The following ADAMTS16 variants were observed in gnomAD, a reference collection of about 807,000 sequenced individuals.
The protein encoded by ADAMTS16 is ADAM metallopeptidase with thrombospondin type 1 motif 16.
In ADAMTS16, 94 loss-of-function variants were observed where a neutral mutation model predicts 145.8. The ratio of observed to expected loss-of-function variants is 0.64; its 90% CI spans 0.55 to 0.77. The LOEUF is 0.77. Ranked by LOEUF, ADAMTS16 falls within the 30% of genes least tolerant of loss-of-function variation. The probability of loss-of-function intolerance (pLI) is 0.00; values close to 1 mark genes in which losing one functional copy is unlikely to be tolerated. For synonymous variants in ADAMTS16, 659 were observed against 604.3 expected, an observed-to-expected ratio of 1.09 and a Z score of -1.33; for missense variants, 1,585 against 1,591.5, an observed-to-expected ratio of 1.00 and a Z score of 0.07.
At chr5:5,203,442 G>A (rs1450366096) in intron 9 of ADAMTS16, among the ~76,000 whole-genome samples, 2 of 152,158 alleles carry the variant, frequency 1.3e-5, no homozygotes. Context: ...AAGGATAAAT[G>A]GCTACCTTTT....
chr5:5,230,021 A>G (rs1047678364), intron 11 of ADAMTS16, among the ~76,000 whole-genome samples: 3 of 152,178 alleles, frequency 2.0e-5, no homozygotes, highest in Non-Finnish European at 2.9e-5. Context: ...GTGCATATAC[A>G]TGAAGCCATC....
chr5:5,304,447 C>A (rs983883709), intron 20 of ADAMTS16, among the ~76,000 whole-genome samples: 32 of 152,104 alleles, frequency 2.1e-4, no homozygotes, highest in African/African-American at 7.5e-4. Context: ...AGAGTGGCAA[C>A]AGCACCACCA....
chr5:5,166,046 T>C (rs874429), intron 3 of ADAMTS16, among the ~76,000 whole-genome samples: 48,378 of 152,118 alleles, frequency 0.32, 7,794 homozygotes, highest in East Asian at 0.39. Flanking sequence ...CAGGTCCCCA[T>C]GCACTGCCTT....
intron 3 of ADAMTS16, among the ~76,000 whole-genome samples, chr5:5,151,631 G>GTGTGT (rs1734461078): frequency 6.7e-6 from 1 of 149,722 alleles, no homozygotes; most frequent in Non-Finnish European, 1.5e-5. Flanking sequence ...ACAATGAGAA[G>GTGTGT]ATTACTACAG....
intron 17 of ADAMTS16, 23 bp downstream of exon 17, chr5:5,242,214 C>T (rs375655232): frequency 3.7e-6 from 6 of 1,610,908 alleles, no homozygotes; most frequent in South Asian, 2.2e-5. Flanking sequence ...CAGTGCTGCT[C>T]CTGGAGGCAG....
In ADAMTS16 at chr5:5,305,159, ACAC is replaced by A. The variant is rs1441648561; in HGVS notation, c.3187-1344_3187-1342del. Reference sequence around the variant, plus strand: ...CACACACATCCCACACCACACACACACACATATCCCACACCACACACACATCCC... The same window carrying A: ...CACACACATCCCACACCACACACACAATATCCCACACCACACACACATCCC... On this transcript the variant is annotated intron_variant, in intron 20 of 22. Transcript: ENST00000274181. Among the ~76,000 whole-genome samples the A allele has an allele frequency of 9.1e-3, 617 of 67,922 alleles. 15 individuals carry two copies. The highest frequency in any genetic ancestry group is 0.016 in the Non-Finnish European group (510 of 32,206). 44.6% of individuals were successfully genotyped at this position (67,922 alleles called of 152,430 possible).
chr5:5,267,437 G>A (rs943745814), intron 18 of ADAMTS16, among the ~76,000 whole-genome samples: 10 of 152,132 alleles, frequency 6.6e-5, no homozygotes, highest in African/African-American at 2.4e-4. Context: ...AGCTCTCAGC[G>A]AGGTGAATGG....
rs78955888 is a variant in ADAMTS16 at position 5,188,027 on chromosome 5, T to A, written c.1047+219T>A. On this transcript the variant is annotated intron_variant, in intron 6 of 22. Coordinates refer to ENST00000274181, the MANE Select transcript of ADAMTS16 (RefSeq NM_139056.4). ...TTTGTGCAAAAGTGGTAAGAAATTA[T>A]CCTTTAATTGGCCTGTAAGAAAATG... Among the ~76,000 whole-genome samples the A allele has an allele frequency of 1.3e-3, 200 of 152,298 alleles. 4 individuals carry two copies. The East Asian group carries it at 0.024, about 19-fold the overall frequency.
intron 10 of ADAMTS16, among the ~76,000 whole-genome samples, chr5:5,216,229 G>A (rs1736436962): frequency 6.6e-6 from 1 of 151,860 alleles, no homozygotes; most frequent in Non-Finnish European, 1.5e-5. Context: ...TTTTAGTTAT[G>A]GCCATTCTTG....
chr5:5,188,831 G>T (rs1287941518), intron 6 of ADAMTS16, among the ~76,000 whole-genome samples: 1 of 152,112 alleles, frequency 6.6e-6, no homozygotes, highest in Admixed American at 6.6e-5. Flanking sequence ...GCGCAGTTGG[G>T]GAGGGGGTTG....
intron 11 of ADAMTS16, among the ~76,000 whole-genome samples, chr5:5,230,963 C>T (rs1736902604): frequency 6.6e-6 from 1 of 152,174 alleles, no homozygotes; most frequent in Non-Finnish European, 1.5e-5. Context: ...TTTTATGTTT[C>T]ATGTCTCCTG....
At chr5:5,191,539 T>A (rs1735662825) in intron 7 of ADAMTS16, 146 bp from the exon 8 acceptor site, 3 of 637,336 alleles carry the variant, frequency 4.7e-6, no homozygotes, top group Non-Finnish European at 8.1e-6. Context: ...CAAGTCCCCT[T>A]TATACGGTTG....
intron 22 of ADAMTS16, among the ~76,000 whole-genome samples, chr5:5,318,758 T>G (rs1734157159): frequency 6.6e-6 from 1 of 152,046 alleles, no homozygotes; most frequent in Non-Finnish European, 1.5e-5. Flanking sequence ...TGAAATTCAG[T>G]CAACAGAGGC....
At chr5:5,160,188 G>C (rs757207154) in intron 3 of ADAMTS16, among the ~76,000 whole-genome samples, 12 of 152,168 alleles carry the variant, frequency 7.9e-5, no homozygotes, top group Non-Finnish European at 1.8e-4. Context: ...AAAAGCAAAA[G>C]TCATTATCTG....
intron 2 of ADAMTS16, among the ~76,000 whole-genome samples, chr5:5,143,493 G>C (rs1397865356): frequency 6.6e-6 from 1 of 152,200 alleles, no homozygotes; most frequent in Non-Finnish European, 1.5e-5. Flanking sequence ...ATTCTGGAGA[G>C]GATGTGGAGA....
At chr5:5,157,486 A>G (rs1734630417) in intron 3 of ADAMTS16, among the ~76,000 whole-genome samples, 1 of 152,166 alleles carries the variant, frequency 6.6e-6, no homozygotes, top group Non-Finnish European at 1.5e-5. Context: ...TAGTTTAAAT[A>G]TGGTAATAAA....
At position 5,305,895 on chromosome 5, in the gene ADAMTS16, T is replaced by C. The variant is rs117740639; in HGVS notation, c.3187-609T>C. On this transcript the variant is annotated intron_variant, in intron 20 of 22. Transcript: ENST00000274181. Reference sequence around the variant, plus strand: ...TGCTCCTGTGTGTTCTCCCTGCAAGTGGGGGCTGCAGCCTCCTGCCTGGCC... The same window carrying C: ...TGCTCCTGTGTGTTCTCCCTGCAAGCGGGGGCTGCAGCCTCCTGCCTGGCC... Among the ~76,000 whole-genome samples, 214 of 152,312 alleles carry C rather than the reference T, an allele frequency of 1.4e-3. 5 individuals carry two copies. The East Asian group carries it at 0.035, about 25-fold the overall frequency.
intron 20 of ADAMTS16, among the ~76,000 whole-genome samples, chr5:5,304,507 A>C (rs1252008808): frequency 6.6e-6 from 1 of 152,134 alleles, no homozygotes; most frequent in Non-Finnish European, 1.5e-5. Context: ...ACCGTAACCC[A>C]GAGCTGTGCC....
rs1176725522 is a variant in ADAMTS16 at position 5,232,374 on chromosome 5, C to T, written c.1708C>T (p.Arg570Trp). 5.6e-6 allele frequency: 9 copies of T among 1,613,840 alleles called. No individual in the cohort carries two copies. The highest frequency in any genetic ancestry group is 1.3e-5 in the African/African-American group (1 of 74,938). ...GTICGHDMWC[R>W]GGQCVKYGDE... ...TTTATGTTGAAAATTTTAGTGGTGC[C>T]GGGGAGGACAGTGTGTGAAATATGG... is the stretch of plus-strand genomic sequence containing the variant. Residue 570 changes from arginine to tryptophan, a missense_variant, in exon 12 of 23, where the codon CGG (arginine) becomes TGG (tryptophan). By Grantham distance (101) the Arg-to-Trp change is moderately radical (BLOSUM62 -3). This residue lies in a region of ADAMTS16 where 298 missense variants were observed against 367.6 expected (regional missense o/e 0.81). Coordinates refer to ENST00000274181, the MANE Select transcript of ADAMTS16 (RefSeq NM_139056.4).
Sources: gnomAD v4.1 joint callset for allele counts (sites outside exome capture counted in the v4.1 genomes callset) on GRCh38, gnomAD v4.1.1 for gene constraint, gnomAD v4.1.1 regional missense constraint, MANE v1.5 for transcripts, NCBI Gene and HGNC (gene_info 2026-07-23, HGNC 2026-07-21) for gene names.